TAF4B: variants seen among roughly 807,000 people sequenced by gnomAD.
The protein encoded by TAF4B is transcription initiation factor TFIID subunit 4B.
Under a neutral mutation model 86.4 loss-of-function variants are expected in TAF4B, and 38 were observed. That is an observed-to-expected ratio of 0.44 (90% confidence interval 0.34 to 0.58). The LOEUF (loss-of-function observed/expected upper bound fraction) is 0.58, where lower values mean the gene tolerates loss of function less well. TAF4B is among the 20% of genes least tolerant of loss of function. TAF4B has a pLI of 0.02. For missense variants in TAF4B, 988 were observed against 1,027.6 expected (o/e 0.96, Z 0.53); for synonymous variants, 388 against 391.2 (o/e 0.99, Z 0.10).
intron 5 of TAF4B, among the ~76,000 whole-genome samples, chr18:26,278,391 A>G (rs930885710): frequency 2.6e-5 from 4 of 152,046 alleles, no homozygotes; most frequent in African/African-American, 9.7e-5. Flanking sequence ...TGCAGCCTCA[A>G]ACTTACGGGC....
chr18:26,282,469 G>GA lies in TAF4B; in HGVS notation c.972+415dup, dbSNP rs1465926342. Reference sequence around the variant, plus strand: ...TTAGGTATACAATAGCATTATATTTGAAAAAACAATTACATATGCTAATTA... The same window carrying GA: ...TTAGGTATACAATAGCATTATATTTGAAAAAAACAATTACATATGCTAATTA... On this transcript the variant is annotated intron_variant, in intron 6 of 14. Coordinates refer to ENST00000269142, the MANE Select transcript of TAF4B (RefSeq NM_005640.3). 4.6e-5 allele frequency among the ~76,000 whole-genome samples: 7 copies of GA among 152,154 alleles called. No homozygotes were observed. In the East Asian group the frequency reaches 1.2e-3, roughly 25 times the overall value.
chr18:26,232,813 T>C (rs2055692572), intron 1 of TAF4B, among the ~76,000 whole-genome samples: 1 of 152,218 alleles, frequency 6.6e-6, no homozygotes, highest in Non-Finnish European at 1.5e-5. Context: ...ATTTTGTTAT[T>C]TCTTGCAAAC....
At chr18:26,292,702 T>C (rs1568132981) in intron 8 of TAF4B, among the ~76,000 whole-genome samples, 1 of 152,170 alleles carries the variant, frequency 6.6e-6, no homozygotes, top group African/African-American at 2.4e-5. Flanking sequence ...TTTGTATTTT[T>C]AGTAGAGACT....
At chr18:26,328,200 C>T (rs1694294011) in intron 12 of TAF4B, among the ~76,000 whole-genome samples, 1 of 152,132 alleles carries the variant, frequency 6.6e-6, no homozygotes, top group Admixed American at 6.5e-5. Context: ...CCTGTAATCC[C>T]AGCACTTTGG....
At chr18:26,253,164 TC>T (rs1212868512) in intron 1 of TAF4B, among the ~76,000 whole-genome samples, 1 of 151,682 alleles carries the variant, frequency 6.6e-6, no homozygotes, top group African/African-American at 2.4e-5. Context: ...TTATTCCTGA[TC>T]CTTGGGAGAA....
At chr18:26,378,504 A>G (rs1169572927) in intron 14 of TAF4B, among the ~76,000 whole-genome samples, 2 of 152,150 alleles carry the variant, frequency 1.3e-5, no homozygotes, top group Admixed American at 6.5e-5. Context: ...AAGAGTAACC[A>G]TGTTCCTTTG....
intron 12 of TAF4B, among the ~76,000 whole-genome samples, chr18:26,329,871 C>G (rs1026638705): frequency 6.6e-6 from 1 of 152,124 alleles, no homozygotes; most frequent in Non-Finnish European, 1.5e-5. Context: ...GTGGTGTGAT[C>G]ACTGCTCACT....
intron 1 of TAF4B, among the ~76,000 whole-genome samples, chr18:26,239,856 A>G (rs928104628): frequency 6.6e-6 from 1 of 152,072 alleles, no homozygotes; most frequent in African/African-American, 2.4e-5. Flanking sequence ...TCCTTTCCCC[A>G]TTTCTTGTTT....
intron 3 of TAF4B, among the ~76,000 whole-genome samples, chr18:26,268,398 G>A (rs1598741972): frequency 6.6e-6 from 1 of 152,230 alleles, no homozygotes; most frequent in South Asian, 2.1e-4. Flanking sequence ...GTTTCTGGTG[G>A]CACCTGATAT....
rs1567914195 is a variant in TAF4B, at chr18:26,346,879, A to ATATATATATATATGTG, written c.2317-10798_2317-10797insGTGTATATATATATAT. Among the ~76,000 whole-genome samples the ATATATATATATATGTG allele has an allele frequency of 8.6e-4, 5 of 5,824 alleles. 1 individual carries two copies. The highest frequency in any genetic ancestry group is 1.7e-3 in the African/African-American group (5 of 3,004). 3.8% of individuals were successfully genotyped at this position (5,824 alleles called of 152,430 possible). Reference sequence around the variant, plus strand: ...TATATGTGTATATATATATATGTGTATATATATATATATATATATATGTGT... The same window carrying ATATATATATATATGTG: ...TATATGTGTATATATATATATGTGTATATATATATATATGTGTATATATATATATATATATATGTGT... On this transcript the variant is annotated intron_variant, in intron 13 of 14. Transcript: ENST00000269142.
At chr18:26,325,446 CTGT>C (rs2056996217) in intron 11 of TAF4B, among the ~76,000 whole-genome samples, 1 of 150,812 alleles carries the variant, frequency 6.6e-6, no homozygotes. Flanking sequence ...ATTGGGGTTG[CTGT>C]TGTTTAAATA....
chr18:26,239,275 T>C (rs201576898), intron 1 of TAF4B, among the ~76,000 whole-genome samples: 2 of 152,238 alleles, frequency 1.3e-5, no homozygotes, highest in East Asian at 1.9e-4. Flanking sequence ...TTTTAATGAT[T>C]GCCATTCTAA....
chr18:26,354,110 C>CTGTT (rs2057267153), intron 13 of TAF4B, among the ~76,000 whole-genome samples: 1 of 152,214 alleles, frequency 6.6e-6, no homozygotes, highest in Non-Finnish European at 1.5e-5. Flanking sequence ...GAATCTCACT[C>CTGTT]TGTTGCCCAA....
intron 13 of TAF4B, among the ~76,000 whole-genome samples, 183 bp from the exon 14 acceptor site, chr18:26,357,507 A>G (rs2057296694): frequency 6.6e-6 from 1 of 152,196 alleles, no homozygotes; most frequent in Admixed American, 6.5e-5. Context: ...GAGATTAAGA[A>G]CTAAAGAGTT....
chr18:26,361,637 TG>T (rs1389752217), intron 14 of TAF4B, among the ~76,000 whole-genome samples: 1 of 144,472 alleles, frequency 6.9e-6, no homozygotes, highest in East Asian at 2.1e-4. Context: ...CCTAGCTACG[TG>T]GGGGGTTGAG....
chr18:26,330,882 C>G (rs1268221390), intron 12 of TAF4B, among the ~76,000 whole-genome samples: 4 of 152,204 alleles, frequency 2.6e-5, no homozygotes, highest in Admixed American at 6.5e-5. Flanking sequence ...GCCATGCTGG[C>G]TGACTCCTCT....
At chr18:26,387,762 A>G (rs1978461845) in intron 14 of TAF4B, among the ~76,000 whole-genome samples, 1 of 152,202 alleles carries the variant, frequency 6.6e-6, no homozygotes, top group African/African-American at 2.4e-5. Flanking sequence ...GGACTTTCCA[A>G]AATTGTTTCC....
chr18:26,324,010 T>C (rs2056984141), intron 11 of TAF4B, among the ~76,000 whole-genome samples: 1 of 152,202 alleles, frequency 6.6e-6, no homozygotes, highest in Non-Finnish European at 1.5e-5. Flanking sequence ...TGTTTAATTG[T>C]TTTTGTTTTG....
chr18:26,284,837 C>G (rs1402381628), intron 6 of TAF4B, among the ~76,000 whole-genome samples: 1 of 152,110 alleles, frequency 6.6e-6, no homozygotes, highest in Non-Finnish European at 1.5e-5. Flanking sequence ...CCACTGCACT[C>G]CAGCCTGGGC....
Sources: gnomAD v4.1 joint callset for allele counts (sites outside exome capture counted in the v4.1 genomes callset) on GRCh38, gnomAD v4.1.1 for gene constraint, MANE v1.5 for transcripts, NCBI Gene and HGNC (gene_info 2026-07-23, HGNC 2026-07-21) for gene names.